ZCCHC14: variants seen among roughly 807,000 people sequenced by gnomAD.
The protein encoded by ZCCHC14 is zinc finger CCHC domain-containing protein 14.
Under a neutral mutation model 85.0 loss-of-function variants are expected in ZCCHC14, and 16 were observed. The observed-to-expected ratio is 0.19, with a 90% CI of 0.13 to 0.29. The LOEUF (loss-of-function observed/expected upper bound fraction) is 0.29, where lower values mean the gene tolerates loss of function less well. Ranked by LOEUF, ZCCHC14 falls within the 10% of genes least tolerant of loss-of-function variation. The probability of loss-of-function intolerance (pLI) is 1.00; values close to 1 mark genes in which losing one functional copy is unlikely to be tolerated. For synonymous variants in ZCCHC14, 775 were observed against 630.7 expected (o/e 1.23, Z -3.43); for missense variants, 1,303 against 1,443.5 (o/e 0.90, Z 1.58).
intron 3 of ZCCHC14, among the ~76,000 whole-genome samples, chr16:87,428,472 C>T (rs1909485479): frequency 6.6e-6 from 1 of 152,184 alleles, no homozygotes. Flanking sequence ...CAAAGGACAA[C>T]TTACTTAAAG....
At chr16:87,449,034 G>C (rs901923919) in intron 2 of ZCCHC14, among the ~76,000 whole-genome samples, 1 of 152,322 alleles carries the variant, frequency 6.6e-6, no homozygotes, top group Non-Finnish European at 1.5e-5. Context: ...TTGGTCCCCA[G>C]TTCAAGGAGG....
chr16:87,438,985 G>A (rs1910059340), intron 2 of ZCCHC14, among the ~76,000 whole-genome samples: 1 of 152,124 alleles, frequency 6.6e-6, no homozygotes, highest in South Asian at 2.1e-4. Flanking sequence ...CAGAATCCTA[G>A]GAGCTAAATT....
chr16:87,484,253 G>T (rs1296373678), intron 1 of ZCCHC14, among the ~76,000 whole-genome samples: 2 of 152,138 alleles, frequency 1.3e-5, no homozygotes, highest in East Asian at 3.8e-4. Flanking sequence ...AAACGTCCTG[G>T]GTGCCCTTCC....
At position 87,412,195 on chromosome 16, in the gene ZCCHC14, G is replaced by A. The variant is rs1908493849; in HGVS notation, c.2526C>T (p.Asn842=). The A allele has an allele frequency of 6.2e-7, 1 of 1,613,886 alleles. No individual in the cohort carries two copies. The highest frequency in any genetic ancestry group is 8.5e-7 in the Non-Finnish European group (1 of 1,180,044). ...PLQGGFCANS[N]TASPSSHPST... The stretch of plus-strand genomic sequence containing the variant: ...AGGGGTGGCTGCTGGGAGAGGCAGT[G>A]TTGCTGTTTGCACAGAAGCCACCCT... Residue 842 remains asparagine, a synonymous_variant, in exon 12 of 13, where the codon AAC becomes AAT. Transcript: ENST00000671377.
At chr16:87,430,810 C>G (rs1909617427) in intron 3 of ZCCHC14, among the ~76,000 whole-genome samples, 1 of 152,154 alleles carries the variant, frequency 6.6e-6, no homozygotes, top group African/African-American at 2.4e-5. Context: ...GTGTGAGCCA[C>G]TGTGCCCCGC....
At position 87,459,942 on chromosome 16, in the gene ZCCHC14, G is replaced by A. The variant is rs556257083; in HGVS notation, c.694+66C>T. 5.3e-5 allele frequency: 85 copies of A among 1,602,682 alleles called. 1 individual carries two copies. The highest frequency in any genetic ancestry group is 4.0e-4 in the South Asian group (36 of 90,020). ...TGAAAGCATTTAACAATGCCCTCAC[G>A]GGGATCTGGGGTGTGCCCATCCTCC... On this transcript the variant is annotated intron_variant, in intron 2 of 12. Coordinates refer to ENST00000671377, the MANE Select transcript of ZCCHC14 (RefSeq NM_015144.3).
chr16:87,456,326 C>T (rs1254238305), intron 2 of ZCCHC14, among the ~76,000 whole-genome samples: 1 of 151,680 alleles, frequency 6.6e-6, no homozygotes, highest in Non-Finnish European at 1.5e-5. Flanking sequence ...GTCAGGAGAT[C>T]GAGACTATCC....
chr16:87,475,426 G>A (rs966165004), intron 1 of ZCCHC14, among the ~76,000 whole-genome samples: 8 of 152,030 alleles, frequency 5.3e-5, no homozygotes, highest in East Asian at 1.9e-4. Context: ...GGTGGTGGGC[G>A]CCTGTAATCC....
At chr16:87,437,614 GCCAGGC>G (rs1316722015) in intron 2 of ZCCHC14, among the ~76,000 whole-genome samples, 1 of 152,226 alleles carries the variant, frequency 6.6e-6, no homozygotes, top group Non-Finnish European at 1.5e-5. Context: ...CCGAGGCTGG[GCCAGGC>G]CTGCGCCCTC....
Position 87,491,395 on chromosome 16 carries a change from G to T in ZCCHC14, c.570+274C>A, listed in dbSNP as rs1321950759. 6.9e-6 allele frequency among the ~76,000 whole-genome samples: 1 copy of T among 144,712 alleles called. No individual in the cohort carries two copies. The highest frequency in any genetic ancestry group is 2.8e-5 in the African/African-American group (1 of 35,332). The allele number at this position is 144,712 out of a possible 152,430, so 94.9% of individuals were successfully genotyped here. On this transcript the variant is annotated intron_variant, in intron 1 of 12. Transcript: ENST00000671377. The surrounding 1 kb of genome is among the most constrained non-coding windows in gnomAD (Gnocchi z 5.9). ...CGGGCTTAGGATGGGGGCTTGGGAT[G>T]TACGGCGGAGGCTTGGGATGTACGG...
intron 1 of ZCCHC14, among the ~76,000 whole-genome samples, chr16:87,487,612 C>T (rs963823961): frequency 6.6e-6 from 1 of 152,276 alleles, no homozygotes; most frequent in African/African-American, 2.4e-5. Flanking sequence ...CCCGCACCGA[C>T]ACGTGCGCCA....
chr16:87,432,181 G>A (rs1465119166), intron 3 of ZCCHC14, among the ~76,000 whole-genome samples: 2 of 152,116 alleles, frequency 1.3e-5, no homozygotes, highest in African/African-American at 2.4e-5. Context: ...GCTGGGAACC[G>A]ACCTTCAAGA....
At position 87,423,895 on chromosome 16, in the gene ZCCHC14, A is replaced by C. The variant is rs755441765; in HGVS notation, c.769-14T>G. 6 of 1,613,408 alleles carry C rather than the reference A, an allele frequency of 3.7e-6. No homozygotes were observed. In the African/African-American group the frequency reaches 8.0e-5, roughly 22 times the overall value. ...AGACCACAAGACCTTAAAAACAAAC[A>C]AACAAACAAACCTTAGAAACAGACA... On this transcript the variant is annotated splice_polypyrimidine_tract_variant and intron_variant, in intron 3 of 12. Coordinates refer to ENST00000671377, the MANE Select transcript of ZCCHC14 (RefSeq NM_015144.3).
chr16:87,475,358 C>A (rs1033822398), intron 1 of ZCCHC14, among the ~76,000 whole-genome samples: 7 of 152,072 alleles, frequency 4.6e-5, no homozygotes, highest in African/African-American at 1.7e-4. Context: ...TCGAGACTAG[C>A]CTGGCCAACA....
intron 1 of ZCCHC14, among the ~76,000 whole-genome samples, chr16:87,463,829 GA>G (rs907391460): frequency 2.7e-5 from 4 of 150,652 alleles, no homozygotes; most frequent in Middle Eastern, 3.4e-3. Flanking sequence ...CGTCTCAGGA[GA>G]AAAAAAAACA....
intron 2 of ZCCHC14, among the ~76,000 whole-genome samples, chr16:87,457,583 C>G (rs1272060943): frequency 1.3e-5 from 2 of 152,166 alleles, no homozygotes; most frequent in Non-Finnish European, 2.9e-5. Flanking sequence ...GCTTCCCTAA[C>G]CTTTTACATA....
chr16:87,484,271 C>T (rs779088303), intron 1 of ZCCHC14, among the ~76,000 whole-genome samples: 11 of 152,328 alleles, frequency 7.2e-5, no homozygotes, highest in Non-Finnish European at 1.0e-4. Context: ...TCCGTGCCAT[C>T]TGTGGGAGAA....
chr16:87,447,942 C>A (rs1329721003), intron 2 of ZCCHC14, among the ~76,000 whole-genome samples: 1 of 152,158 alleles, frequency 6.6e-6, no homozygotes, highest in Non-Finnish European at 1.5e-5. Flanking sequence ...TCCCTGATGA[C>A]TGGCGACTTG....
At chr16:87,424,388 G>C (rs1909260427) in intron 3 of ZCCHC14, among the ~76,000 whole-genome samples, 1 of 152,178 alleles carries the variant, frequency 6.6e-6, no homozygotes. Context: ...TGAGTCCATT[G>C]ATAGCAACAG....
Sources: allele counts gnomAD v4.1 joint callset (sites outside exome capture counted in the v4.1 genomes callset), GRCh38; gene constraint gnomAD v4.1.1; non-coding constraint Gnocchi (gnomAD v3.1); transcripts MANE v1.5; gene names NCBI Gene and HGNC (gene_info 2026-07-23, HGNC 2026-07-21).